TRIM2: variants seen among roughly 807,000 people sequenced by gnomAD.
The protein encoded by TRIM2 is tripartite motif containing 2, also known as tripartite motif-containing protein 2.
TRIM2 carries 20 observed loss-of-function variants against 75.2 expected under a neutral mutation model. The ratio of observed to expected loss-of-function variants is 0.27; its 90% confidence interval spans 0.19 to 0.39. The LOEUF (loss-of-function observed/expected upper bound fraction) is 0.39, where lower values mean the gene tolerates loss of function less well. Ranked by LOEUF, TRIM2 falls within the 10% of genes least tolerant of loss-of-function variation. The pLI is 1.00. For synonymous variants in TRIM2, 373 were observed against 388.3 expected, an observed-to-expected ratio of 0.96 and a Z score of 0.46; for missense variants, 660 against 990.8, an observed-to-expected ratio of 0.67 and a Z score of 4.48.
chr4:153,212,490 G>A (rs574387350), intron 1 of TRIM2, among the ~76,000 whole-genome samples: 13 of 152,190 alleles, frequency 8.5e-5, no homozygotes, highest in Admixed American at 2.6e-4. Flanking sequence ...TCACCATTAC[G>A]CAATATTTCC....
intron 1 of TRIM2, among the ~76,000 whole-genome samples, chr4:153,175,638 A>G (rs1290352690): frequency 6.6e-6 from 1 of 152,316 alleles, no homozygotes; most frequent in East Asian, 1.9e-4. Context: ...ATGCAACATG[A>G]TGTCTTTTTA....
intron 1 of TRIM2, among the ~76,000 whole-genome samples, chr4:153,264,826 G>A (rs1273555797): frequency 2.0e-5 from 3 of 152,214 alleles, no homozygotes; most frequent in African/African-American, 7.2e-5. Flanking sequence ...GGCAAATCTG[G>A]GGATCTTTGG....
intron 1 of TRIM2, among the ~76,000 whole-genome samples, chr4:153,222,072 A>AG (rs1740698304): frequency 4.6e-4 from 23 of 49,750 alleles, no homozygotes; most frequent in East Asian, 1.2e-3. Context: ...AAGGAAGGAA[A>AG]GAAAGAGAGA....
At chr4:153,209,169 A>C (rs1736265680) in intron 1 of TRIM2, among the ~76,000 whole-genome samples, 2 of 152,248 alleles carry the variant, frequency 1.3e-5, no homozygotes, top group Non-Finnish European at 2.9e-5. Flanking sequence ...TGGTGCACCC[A>C]ATGCCTCCCT....
intron 1 of TRIM2, among the ~76,000 whole-genome samples, chr4:153,236,786 G>A (rs1446497670): frequency 2.0e-5 from 3 of 151,868 alleles, no homozygotes; most frequent in Non-Finnish European, 2.9e-5. Flanking sequence ...CGACCTCCTG[G>A]GTTCAAGAGA....
At chr4:153,280,304 T>C (rs2150079618) in intron 3 of TRIM2, among the ~76,000 whole-genome samples, 1 of 150,060 alleles carries the variant, frequency 6.7e-6, no homozygotes, top group Admixed American at 6.7e-5. Context: ...CTAATGAAGA[T>C]AGAACAAAAA....
chr4:153,152,783 C>G (rs184435164), upstream of TRIM2, among the ~76,000 whole-genome samples: 92 of 152,154 alleles, frequency 6.0e-4, 1 homozygote, highest in South Asian at 0.013. Flanking sequence ...TGCGAAAGAG[C>G]CTTTTGCATT....
At chr4:153,265,744 A>G (rs1348240746) in intron 1 of TRIM2, 3 of 148,832 alleles carry the variant, frequency 2.0e-5, no homozygotes, top group East Asian at 3.9e-4. Context: ...TTAGTGCTAC[A>G]AAAGTGAGCA....
In TRIM2 at chr4:153,335,169, C is replaced by T; in HGVS notation, c.*203C>T. 2.4e-6 allele frequency: 3 copies of T among 1,258,740 alleles called. No individual in the cohort carries two copies. The highest frequency in any genetic ancestry group is 3.0e-6 in the Non-Finnish European group (3 of 1,000,320). 78.0% of individuals were successfully genotyped at this position (1,258,740 alleles called of 1,614,324 possible). On this transcript the variant is annotated 3_prime_UTR_variant, in exon 12 of 12. Coordinates refer to ENST00000338700, the MANE Select transcript of TRIM2 (RefSeq NM_015271.5). ...TTCACCTTTAGGGTTAAAAAAAACTCTTCTACTGAATCTATAAAAACTGCA... is the reference window on the plus strand; with the variant it reads ...TTCACCTTTAGGGTTAAAAAAAACTTTTCTACTGAATCTATAAAAACTGCA...
Position 153,308,213 on chromosome 4 carries a change from A to G in TRIM2, c.1511-7272A>G, listed in dbSNP as rs547140840. On this transcript the variant is annotated intron_variant, in intron 6 of 11. Transcript: ENST00000338700. ...GGTCAATCAGTTCATAATCAATGAC[A>G]GAGCCATCCTCTGCTCTTCTACCCT... 121 of 1,472,208 alleles carry G rather than the reference A, an allele frequency of 8.2e-5. No homozygotes were observed. The African/African-American group carries it at 1.6e-3, about 20-fold the overall frequency. 91.2% of individuals were successfully genotyped at this position (1,472,208 alleles called of 1,614,324 possible).
At chr4:153,224,412 C>A (rs1162948180) in intron 1 of TRIM2, among the ~76,000 whole-genome samples, 3 of 152,206 alleles carry the variant, frequency 2.0e-5, no homozygotes, top group African/African-American at 7.2e-5. Flanking sequence ...GTAATCTGGC[C>A]TGTTCTGGGC....
intron 10 of TRIM2, among the ~76,000 whole-genome samples, chr4:153,328,245 T>C (rs1770678625): frequency 6.6e-6 from 1 of 152,244 alleles, no homozygotes; most frequent in Non-Finnish European, 1.5e-5. Context: ...CATACTTACT[T>C]GTACAGTATT....
At chr4:153,331,786 G>A (rs1277442893) in intron 11 of TRIM2, among the ~76,000 whole-genome samples, 1 of 152,210 alleles carries the variant, frequency 6.6e-6, no homozygotes, top group East Asian at 1.9e-4. Context: ...TAATATGGTG[G>A]AGGAATAAAC....
chr4:153,236,392 T>C (rs13434979), intron 1 of TRIM2, among the ~76,000 whole-genome samples: 25,972 of 152,052 alleles, frequency 0.17, 2,857 homozygotes, highest in African/African-American at 0.31. Context: ...CCATACCTCA[T>C]TTCCTTGTAT....
At chr4:153,298,670 T>C (rs570897328) in intron 6 of TRIM2, among the ~76,000 whole-genome samples, 1 of 152,168 alleles carries the variant, frequency 6.6e-6, no homozygotes, top group Non-Finnish European at 1.5e-5. Flanking sequence ...CACATATTGA[T>C]CAATTTTTTT....
intron 4 of TRIM2, 61 bp from the exon 5 acceptor site, chr4:153,294,244 A>G: frequency 3.9e-6 from 6 of 1,551,846 alleles, no homozygotes; most frequent in Non-Finnish European, 5.3e-6. Context: ...TAGTGTTTAG[A>G]TAGATTTTGG....
intron 3 of TRIM2, among the ~76,000 whole-genome samples, chr4:153,281,065 A>G (rs1759227071): frequency 6.6e-6 from 1 of 152,234 alleles, no homozygotes; most frequent in South Asian, 2.1e-4. Flanking sequence ...ATAACTCAGA[A>G]AATCCACAGA....
intron 3 of TRIM2, among the ~76,000 whole-genome samples, chr4:153,285,928 A>G (rs900341179): frequency 1.3e-5 from 2 of 152,210 alleles, no homozygotes; most frequent in African/African-American, 2.4e-5. Context: ...ACTAGAAGTG[A>G]TAAGAGTGAA....
rs182130893 is a variant in TRIM2, at chr4:153,331,485, G to A, written c.2163+2815G>A. Among the ~76,000 whole-genome samples the A allele has an allele frequency of 3.6e-3, 541 of 152,082 alleles. 1 individual carries two copies. Among genetic ancestry groups the A allele is most frequent in the Middle Eastern group, 0.014 (4 of 294 alleles). On this transcript the variant is annotated intron_variant, in intron 11 of 11. Transcript: ENST00000338700. The stretch of plus-strand genomic sequence containing the variant: ...GTATGCTGAAAACTATAAAATGCTG[G>A]CAAAAGAAATCAAAGAAGTTCTAAG...
Sources: gnomAD v4.1 joint callset for allele counts (sites outside exome capture counted in the v4.1 genomes callset) on GRCh38, gnomAD v4.1.1 for gene constraint, MANE v1.5 for transcripts, NCBI Gene and HGNC (gene_info 2026-07-23, HGNC 2026-07-21) for gene names.